The following ADAM32 variants were observed in gnomAD, a reference collection of about 807,000 sequenced individuals.
ADAM32 encodes disintegrin and metalloproteinase domain-containing protein 32.
In ADAM32, 89 loss-of-function variants were observed where a neutral mutation model predicts 114.9. That is an observed-to-expected ratio of 0.77 (90% confidence interval 0.65 to 0.92). ADAM32 has a LOEUF of 0.92. ADAM32 is among the 40% of genes least tolerant of loss of function. The pLI is 0.00. For missense variants in ADAM32, 870 were observed against 932.8 expected (o/e 0.93, Z 0.88); for synonymous variants, 285 against 307.5 (o/e 0.93, Z 0.77).
intron 17 of ADAM32, among the ~76,000 whole-genome samples, chr8:39,252,288 T>TAA (rs1811356857): frequency 6.6e-6 from 1 of 151,236 alleles, no homozygotes; most frequent in Admixed American, 6.6e-5. Flanking sequence ...TAGAAGTTAA[T>TAA]ATTAAAAGAA....
intron 22 of ADAM32, among the ~76,000 whole-genome samples, chr8:39,276,811 A>G (rs1328143547): frequency 6.6e-6 from 1 of 152,178 alleles, no homozygotes; most frequent in Non-Finnish European, 1.5e-5. Flanking sequence ...GAGTTACCAT[A>G]TAGGGATCAG....
At chr8:39,252,322 T>C (rs1261209978) in intron 17 of ADAM32, among the ~76,000 whole-genome samples, 1 of 147,936 alleles carries the variant, frequency 6.8e-6, no homozygotes, top group East Asian at 2.0e-4. Context: ...AAAAAATACA[T>C]GAAAATTAAA....
intron 6 of ADAM32, among the ~76,000 whole-genome samples, chr8:39,159,363 A>G (rs1020802831): frequency 6.6e-6 from 1 of 152,238 alleles, no homozygotes; most frequent in African/African-American, 2.4e-5. Flanking sequence ...TACATGCAAC[A>G]CTTATTCCAG....
intron 13 of ADAM32, 36 bp downstream of exon 13, chr8:39,221,738 T>C: frequency 6.7e-7 from 1 of 1,500,284 alleles, no homozygotes; most frequent in South Asian, 1.2e-5. Context: ...TTCAAATATA[T>C]AACAAATCAT....
At chr8:39,238,334 C>T (rs538409760) in intron 16 of ADAM32, among the ~76,000 whole-genome samples, 17 of 152,202 alleles carry the variant, frequency 1.1e-4, no homozygotes, top group African/African-American at 3.9e-4. Flanking sequence ...CAGTAATGAT[C>T]ACTGTGGTCT....
chr8:39,142,710 T>G (rs1803241447), intron 3 of ADAM32, among the ~76,000 whole-genome samples: 1 of 152,184 alleles, frequency 6.6e-6, no homozygotes, highest in African/African-American at 2.4e-5. Flanking sequence ...GGAATATCTT[T>G]GTGGTGTTCT....
intron 10 of ADAM32, among the ~76,000 whole-genome samples, chr8:39,171,959 C>T (rs941465165): frequency 3.3e-5 from 5 of 151,314 alleles, no homozygotes; most frequent in African/African-American, 1.2e-4. Context: ...TAATTTATAA[C>T]TAATTCTGTA....
At chr8:39,139,619 G>A (rs1346242426) in intron 3 of ADAM32, among the ~76,000 whole-genome samples, 1 of 152,122 alleles carries the variant, frequency 6.6e-6, no homozygotes, top group Admixed American at 6.5e-5. Flanking sequence ...GATGCCTCCA[G>A]CTTTGTTCTT....
At chr8:39,199,891 G>A (rs369182787) in intron 11 of ADAM32, among the ~76,000 whole-genome samples, 15 of 151,622 alleles carry the variant, frequency 9.9e-5, no homozygotes, top group South Asian at 6.2e-4. Flanking sequence ...TTGTCCTTGC[G>A]ATAGTTTGCT....
In ADAM32 at chr8:39,211,302, T is replaced by A; in HGVS notation, c.1211T>A (p.Ile404Asn). The A allele has an allele frequency of 6.4e-7, 1 of 1,568,376 alleles. No homozygotes were observed. ...AATGGCAGATTGGAGGGAAATGAAA[T>A]CTGTGATTGTGGTACTGAGGCTGTA... ...CGNGRLEGNE[I>N]CDCGTEAQCG... Residue 404 changes from isoleucine to asparagine, a missense_variant, in exon 12 of 25, where the codon ATC (isoleucine) becomes AAC (asparagine). Transcript: ENST00000379907.
intron 1 of ADAM32, among the ~76,000 whole-genome samples, chr8:39,114,329 T>G (rs569758673): frequency 6.6e-6 from 1 of 152,208 alleles, no homozygotes; most frequent in Non-Finnish European, 1.5e-5. Flanking sequence ...ATTCCTGTGG[T>G]TGCATGGCAA....
chr8:39,232,614 G>A (rs907798721), intron 15 of ADAM32, among the ~76,000 whole-genome samples: 2 of 152,136 alleles, frequency 1.3e-5, no homozygotes, highest in African/African-American at 4.8e-5. Flanking sequence ...ATACACTCAT[G>A]GAATTTGTAG....
chr8:39,243,315 G>A (rs1023775054), intron 16 of ADAM32, among the ~76,000 whole-genome samples: 1 of 151,938 alleles, frequency 6.6e-6, no homozygotes, highest in Admixed American at 6.6e-5. Flanking sequence ...ATCAAAACCA[G>A]GAAACGAAAG....
At chr8:39,245,274 AATG>A (rs1810830635) in intron 16 of ADAM32, among the ~76,000 whole-genome samples, 1 of 152,138 alleles carries the variant, frequency 6.6e-6, no homozygotes, top group South Asian at 2.1e-4. Context: ...AAGGCATGAG[AATG>A]ATACAATAGA....
At chr8:39,228,136 A>G (rs892859255) in intron 14 of ADAM32, among the ~76,000 whole-genome samples, 14 of 152,214 alleles carry the variant, frequency 9.2e-5, no homozygotes, top group African/African-American at 3.1e-4. Context: ...CGGGGAGAGT[A>G]CTACATCAAG....
chr8:39,152,693 C>G (rs866424619), intron 6 of ADAM32, among the ~76,000 whole-genome samples: 1 of 148,118 alleles, frequency 6.8e-6, no homozygotes, highest in Non-Finnish European at 1.5e-5. Context: ...TGCACTCCAG[C>G]CTGGGTGACA....
At chr8:39,201,924 T>C (rs1402150037) in intron 11 of ADAM32, among the ~76,000 whole-genome samples, 1 of 152,222 alleles carries the variant, frequency 6.6e-6, no homozygotes, top group Non-Finnish European at 1.5e-5. Context: ...ATATGCTGGA[T>C]TACATTTATT....
intron 2 of ADAM32, among the ~76,000 whole-genome samples, chr8:39,131,102 G>A (rs935043546): frequency 2.4e-4 from 37 of 151,678 alleles, no homozygotes; most frequent in African/African-American, 8.5e-4. Flanking sequence ...GACTACAGGC[G>A]CCCGCCACCA....
chr8:39,119,008 G>A (rs1840491321), intron 2 of ADAM32, among the ~76,000 whole-genome samples: 1 of 152,148 alleles, frequency 6.6e-6, no homozygotes, highest in Admixed American at 6.5e-5. Context: ...CATGCAATAT[G>A]TAAGCTTTTG....
Sources: allele counts gnomAD v4.1 joint callset (sites outside exome capture counted in the v4.1 genomes callset), GRCh38; gene constraint gnomAD v4.1.1; transcripts MANE v1.5; gene names NCBI Gene and HGNC (gene_info 2026-07-23, HGNC 2026-07-21).